The following RPRD1A variants were observed in gnomAD, a reference collection of about 807,000 sequenced individuals.
RPRD1A encodes regulation of nuclear pre-mRNA domain containing 1A, also known as regulation of nuclear pre-mRNA domain-containing protein 1A.
RPRD1A carries 9 observed loss-of-function variants against 37.8 expected under a neutral mutation model. The observed-to-expected ratio is 0.24, with a 90% CI of 0.14 to 0.42. The LOEUF (loss-of-function observed/expected upper bound fraction) is 0.42, where lower values mean the gene tolerates loss of function less well. RPRD1A is among the 10% of genes least tolerant of loss of function. The pLI is 1.00. For synonymous variants in RPRD1A, 138 were observed against 139.7 expected (o/e 0.99, Z 0.08); for missense variants, 255 against 371.0 (o/e 0.69, Z 2.57).
At chr18:36,063,840 T>A (rs1347819475) in intron 1 of RPRD1A, among the ~76,000 whole-genome samples, 2 of 152,188 alleles carry the variant, frequency 1.3e-5, no homozygotes, top group Non-Finnish European at 2.9e-5. Flanking sequence ...TAGCCCAGGC[T>A]AATATGAGGA....
At chr18:36,025,871 T>C in intron 6 of RPRD1A, 1 of 311,154 alleles carries the variant, frequency 3.2e-6, no homozygotes, top group Non-Finnish European at 6.1e-6. Context: ...AAAAACCATC[T>C]TTTCCTTTCC....
intron 1 of RPRD1A, among the ~76,000 whole-genome samples, chr18:36,052,157 A>AG (rs1913443886): frequency 8.2e-5 from 1 of 12,210 alleles, no homozygotes; most frequent in Non-Finnish European, 1.7e-4. Flanking sequence ...ACATCCTAAC[A>AG]GAAAAAAAAA....
intron 6 of RPRD1A, among the ~76,000 whole-genome samples, chr18:36,005,832 G>C (rs1198922067): frequency 6.6e-6 from 1 of 152,158 alleles, no homozygotes; most frequent in African/African-American, 2.4e-5. Flanking sequence ...TGTACACACA[G>C]CATGGCTACA....
intron 1 of RPRD1A, among the ~76,000 whole-genome samples, chr18:36,041,829 A>G (rs1490112005): frequency 6.6e-6 from 1 of 152,242 alleles, no homozygotes; most frequent in Non-Finnish European, 1.5e-5. Context: ...TGTCCCAGAC[A>G]GGACAAAGAG....
At chr18:36,006,907 G>GA (rs1909781601) in intron 6 of RPRD1A, among the ~76,000 whole-genome samples, 1 of 152,120 alleles carries the variant, frequency 6.6e-6, no homozygotes, top group South Asian at 2.1e-4. Flanking sequence ...GAGAGTCGAG[G>GA]AAAAAGAGTC....
At chr18:35,993,611 T>C (rs922863218) in intron 6 of RPRD1A, among the ~76,000 whole-genome samples, 9 of 152,226 alleles carry the variant, frequency 5.9e-5, no homozygotes, top group African/African-American at 2.2e-4. Context: ...AATTACATAT[T>C]TATTTTCATA....
intron 6 of RPRD1A, among the ~76,000 whole-genome samples, chr18:36,005,790 A>T (rs980314838): frequency 1.3e-5 from 2 of 152,212 alleles, no homozygotes; most frequent in Admixed American, 6.5e-5. Flanking sequence ...CTGGAGACTA[A>T]CCAAGATAGA....
At chr18:36,026,234 A>G (rs1911357770) in intron 6 of RPRD1A, 1 of 152,474 alleles carries the variant, frequency 6.6e-6, no homozygotes, top group South Asian at 2.1e-4. Context: ...AAATTGCCAC[A>G]GCAATACAAT....
In RPRD1A at chr18:36,030,976, G is replaced by A. The variant is rs1161334100; in HGVS notation, c.388+15C>T. 8 of 1,594,082 alleles carry A rather than the reference G, an allele frequency of 5.0e-6. No homozygotes were observed. The highest frequency in any genetic ancestry group is 6.8e-6 in the Non-Finnish European group (8 of 1,169,884). On this transcript the variant is annotated intron_variant, in intron 3 of 6. Transcript: ENST00000399022. ...ATGAAGAGATCAAGGTAAGAGATCA[G>A]GATTCTACACTTACACAGAGCTTGT...
At chr18:36,067,143 C>T in intron 1 of RPRD1A, 111 bp downstream of exon 1, 1 of 1,203,920 alleles carries the variant, frequency 8.3e-7, no homozygotes, top group Non-Finnish European at 1.2e-6. Flanking sequence ...GACCACCGCG[C>T]GCTGGCATCC....
chr18:36,025,544 G>T, intron 6 of RPRD1A: 1 of 860,242 alleles, frequency 1.2e-6, no homozygotes, highest in Non-Finnish European at 1.6e-6. Flanking sequence ...GTATAAAGCA[G>T]AATAAAGTTA....
chr18:36,041,685 TC>T (rs1458142942), intron 1 of RPRD1A, among the ~76,000 whole-genome samples: 1 of 152,194 alleles, frequency 6.6e-6, no homozygotes, highest in Non-Finnish European at 1.5e-5. Flanking sequence ...GACTTTTCCT[TC>T]CGCCTGTGGC....
At chr18:36,027,505 T>C in intron 4 of RPRD1A, 195 bp from the exon 5 acceptor site, 1 of 559,198 alleles carries the variant, frequency 1.8e-6, no homozygotes, top group Non-Finnish European at 3.1e-6. Flanking sequence ...GTTGAAAATA[T>C]AAACAGGACA....
intron 1 of RPRD1A, among the ~76,000 whole-genome samples, chr18:36,052,084 A>C (rs75866681): frequency 0.061 from 9,321 of 151,988 alleles, 301 homozygotes; most frequent in Middle Eastern, 0.082. Context: ...AGTCTCAGTA[A>C]GATTAAAACC....
intron 1 of RPRD1A, among the ~76,000 whole-genome samples, chr18:36,051,309 C>G (rs537206678): frequency 2.6e-4 from 39 of 152,244 alleles, no homozygotes; most frequent in Admixed American, 5.9e-4. Flanking sequence ...CTAAAAGGGT[C>G]TTGGTGATCC....
intron 1 of RPRD1A, among the ~76,000 whole-genome samples, chr18:36,056,718 T>C (rs1269908629): frequency 6.6e-6 from 1 of 152,070 alleles, no homozygotes; most frequent in East Asian, 1.9e-4. Context: ...AATTACCAGT[T>C]ATTACAGATA....
chr18:36,066,520 C>T (rs1430789797), intron 1 of RPRD1A, among the ~76,000 whole-genome samples: 1 of 152,204 alleles, frequency 6.6e-6, no homozygotes, highest in African/African-American at 2.4e-5. Context: ...TACAAAGTTG[C>T]TCTGCATACA....
intron 1 of RPRD1A, among the ~76,000 whole-genome samples, chr18:36,034,709 T>C (rs919405922): frequency 5.3e-5 from 8 of 152,344 alleles, no homozygotes; most frequent in Admixed American, 2.0e-4. Context: ...AGGAAACTTA[T>C]GGTCAGGACC....
chr18:36,036,087 C>CA (rs930239500), intron 1 of RPRD1A, among the ~76,000 whole-genome samples: 13 of 151,218 alleles, frequency 8.6e-5, no homozygotes, highest in Non-Finnish European at 1.3e-4. Context: ...ACCACAAAAA[C>CA]AAAAAAAATG....
Sources: gnomAD v4.1 joint callset for allele counts (sites outside exome capture counted in the v4.1 genomes callset) on GRCh38, gnomAD v4.1.1 for gene constraint, MANE v1.5 for transcripts, NCBI Gene and HGNC (gene_info 2026-07-23, HGNC 2026-07-21) for gene names.